ACBD3: variants seen among roughly 807,000 people sequenced by gnomAD.
The protein encoded by ACBD3 is Golgi resident protein GCP60.
In ACBD3, 30 loss-of-function variants were observed where a neutral mutation model predicts 66.9. That is an observed-to-expected ratio of 0.45 (90% CI 0.34 to 0.61). ACBD3 has a LOEUF of 0.61. ACBD3 is among the 20% of genes least tolerant of loss of function. The pLI is 0.02. For synonymous variants in ACBD3, 278 were observed against 259.8 expected (o/e 1.07, Z -0.68); for missense variants, 544 against 664.5 (o/e 0.82, Z 1.99).
At chr1:226,162,841 G>T (rs1372697462) in intron 3 of ACBD3, among the ~76,000 whole-genome samples, 22 of 148,984 alleles carry the variant, frequency 1.5e-4, no homozygotes, top group Admixed American at 1.4e-3. Context: ...CTGTCACCCA[G>T]ACTGGAGTGC....
chr1:226,162,732 T>A (rs1328509124), intron 3 of ACBD3, among the ~76,000 whole-genome samples: 1 of 151,616 alleles, frequency 6.6e-6, no homozygotes, highest in East Asian at 1.9e-4. Context: ...CCCCTCTAAC[T>A]CCTATAAGTG....
rs547414474 is a variant in ACBD3, at chr1:226,146,799, T to C, written c.1398A>G (p.Lys466=). Residue 466 remains lysine (K), a synonymous_variant, in exon 8 of 8, where the codon AAA becomes AAG. Transcript: ENST00000366812. ...EEEENIGCEE[K]AKKNANKPLL... is the part of the protein sequence containing the mutation. ...AAGGCTTGTTGGCATTCTTTTTGGC[T>C]TTCTCTTCACAACCGATGTTTTCTG... is the stretch of plus-strand genomic sequence containing the variant. 2 of 1,614,148 alleles carry C rather than the reference T, an allele frequency of 1.2e-6. No homozygotes were observed. The highest frequency in any genetic ancestry group is 1.6e-4 in the Middle Eastern group (1 of 6,062).
At chr1:226,178,917 G>A (rs1656113421) in intron 1 of ACBD3, among the ~76,000 whole-genome samples, 1 of 152,088 alleles carries the variant, frequency 6.6e-6, no homozygotes, top group Non-Finnish European at 1.5e-5. Context: ...TTATTCTGAG[G>A]TGGTATCTCT....
chr1:226,178,574 C>CAAAAAAAAAAAAAAAA (rs57231361), intron 1 of ACBD3, among the ~76,000 whole-genome samples: 4 of 83,636 alleles, frequency 4.8e-5, no homozygotes, highest in African/African-American at 9.4e-5. Flanking sequence ...GACTCCGTCT[C>CAAAAAAAAAAAAAAAA]AAAAAAAAAA....
chr1:226,166,157 A>T (rs1297948677), intron 1 of ACBD3, among the ~76,000 whole-genome samples, 157 bp from the exon 2 acceptor site: 1 of 152,206 alleles, frequency 6.6e-6, no homozygotes, highest in Non-Finnish European at 1.5e-5. Context: ...ACTACTTTTA[A>T]AAAATTTTTT....
rs1170130229 is a variant in ACBD3, at chr1:226,149,529, C to CTTTTTTTTTTTTTTTTTTTT, written c.1376-2728_1376-2709dup. ...GGTGTCAGCCACTGCGCCCAGCCAT[C>CTTTTTTTTTTTTTTTTTTTT]TTTTTTTTTTTTTTTTTTTTTTTTT... On this transcript the variant is annotated intron_variant, in intron 7 of 7. Coordinates refer to ENST00000366812, the MANE Select transcript of ACBD3 (RefSeq NM_022735.4). Among the ~76,000 whole-genome samples, 5 of 29,596 alleles carry CTTTTTTTTTTTTTTTTTTTT rather than the reference C, an allele frequency of 1.7e-4. 1 individual carries two copies. The highest frequency in any genetic ancestry group is 1.6e-4 in the African/African-American group (1 of 6,322). The allele number at this position is 29,596 out of a possible 152,430, so 19.4% of individuals were successfully genotyped here.
intron 3 of ACBD3, among the ~76,000 whole-genome samples, chr1:226,162,885 C>T (rs984493295): frequency 3.3e-5 from 5 of 151,998 alleles, no homozygotes; most frequent in African/African-American, 1.2e-4. Flanking sequence ...CAACCTCCGC[C>T]TCCCAGGCTC....
In ACBD3 at chr1:226,183,987, C is replaced by T. The variant is rs575640875; in HGVS notation, c.286+2403G>A. Among the ~76,000 whole-genome samples, 9 of 150,872 alleles carry T rather than the reference C, an allele frequency of 6.0e-5. No homozygotes were observed. In the East Asian group the frequency reaches 1.6e-3, roughly 26 times the overall value. On this transcript the variant is annotated intron_variant, in intron 1 of 7. Coordinates refer to ENST00000366812, the MANE Select transcript of ACBD3 (RefSeq NM_022735.4). Reference sequence around the variant, plus strand: ...CAGGAGGATCACGAGGTCAGGAAATCGAGACCATCCTGGCTAACACGGTGA... The same window carrying T: ...CAGGAGGATCACGAGGTCAGGAAATTGAGACCATCCTGGCTAACACGGTGA...
chr1:226,177,349 C>T (rs1387331117), intron 1 of ACBD3, among the ~76,000 whole-genome samples: 1 of 145,316 alleles, frequency 6.9e-6, no homozygotes, highest in Non-Finnish European at 1.5e-5. Context: ...AGGTGGCCAC[C>T]ACCACTCTTG....
Position 226,146,225 on chromosome 1 carries a change from G to T in ACBD3, c.*385C>A. ...GTTAACTTATGGATTTCAAATTAGA[G>T]GACACTGTAACTACGGGCTCTCATA... On this transcript the variant is annotated 3_prime_UTR_variant, in exon 8 of 8. Transcript: ENST00000366812. 1 of 166,310 alleles carries T rather than the reference G, an allele frequency of 6.0e-6. No individual in the cohort carries two copies. The highest frequency in any genetic ancestry group is 1.3e-5 in the Non-Finnish European group (1 of 76,604). 10.3% of individuals were successfully genotyped at this position (166,310 alleles called of 1,614,324 possible). A position where few individuals can be genotyped will look rare whatever the true frequency, so the allele number is the denominator to read the frequency against.
chr1:226,150,878 G>A lies in ACBD3; in HGVS notation c.1375+1457C>T, dbSNP rs538525407. ...GAAGGATTTTAAATCTGCTTCTGGG[G>A]TAAAAGTCAATCTGCAAGATGTACT... On this transcript the variant is annotated intron_variant, in intron 7 of 7. Transcript: ENST00000366812. Among the ~76,000 whole-genome samples, 4 of 152,272 alleles carry A rather than the reference G, an allele frequency of 2.6e-5. No individual in the cohort carries two copies. In the South Asian group the frequency reaches 8.3e-4, roughly 32 times the overall value.
chr1:226,156,260 T>TG (rs1191218875), intron 5 of ACBD3, among the ~76,000 whole-genome samples: 1 of 152,220 alleles, frequency 6.6e-6, no homozygotes, highest in Non-Finnish European at 1.5e-5. Context: ...TTTAAAGAAA[T>TG]GGGTTGTATA....
chr1:226,157,980 A>C (rs1659706870), intron 5 of ACBD3, among the ~76,000 whole-genome samples: 1 of 152,274 alleles, frequency 6.6e-6, no homozygotes, highest in Non-Finnish European at 1.5e-5. Flanking sequence ...CTATCAAAGA[A>C]GCAGGAAAAT....
chr1:226,165,868 T>C lies in ACBD3; in HGVS notation c.419A>G (p.Asn140Ser), dbSNP rs762954434. 6.2e-7 allele frequency: 1 copy of C among 1,608,622 alleles called. No individual in the cohort carries two copies. Among genetic ancestry groups the C allele is most frequent in the Non-Finnish European group, 8.5e-7 (1 of 1,178,682 alleles). Reference sequence around the variant, plus strand: ...AGAAAAACACTGTTACCTCCTGTCATTCCCCAACACATCAAAGAATCCAAC... The same window carrying C: ...AGAAAAACACTGTTACCTCCTGTCACTCCCCAACACATCAAAGAATCCAAC... ...PEVGFFDVLG[N>S]DRRREWAALG... The change falls in exon 2 of 8, where the codon AAT (asparagine) becomes AGT (serine). Residue 140 changes from asparagine (N) to serine (S), a missense_variant. This residue lies in a region of ACBD3 where 24 missense variants were observed against 56.2 expected (regional missense o/e 0.43). Transcript: ENST00000366812.
intron 2 of ACBD3, among the ~76,000 whole-genome samples, chr1:226,165,233 C>T (rs758456720): frequency 1.3e-5 from 2 of 151,568 alleles, no homozygotes; most frequent in Admixed American, 6.6e-5. Context: ...TGCACTGGTG[C>T]GATCTTGGCT....
At chr1:226,183,474 A>G (rs1164053831) in intron 1 of ACBD3, among the ~76,000 whole-genome samples, 1 of 152,056 alleles carries the variant, frequency 6.6e-6, no homozygotes, top group Non-Finnish European at 1.5e-5. Flanking sequence ...AAGCTACCAC[A>G]CCCGGCCGAA....
chr1:226,158,123 G>T (rs1249673042), intron 5 of ACBD3, among the ~76,000 whole-genome samples: 1 of 152,190 alleles, frequency 6.6e-6, no homozygotes, highest in African/African-American at 2.4e-5. Flanking sequence ...AACTTGCAGT[G>T]CTTTTTAACT....
At chr1:226,169,184 G>A (rs1659935272) in intron 1 of ACBD3, among the ~76,000 whole-genome samples, 1 of 151,824 alleles carries the variant, frequency 6.6e-6, no homozygotes, top group South Asian at 2.1e-4. Flanking sequence ...TTAACAAATG[G>A]CGATAATTTG....
chr1:226,179,085 T>C (rs1315332542), intron 1 of ACBD3, among the ~76,000 whole-genome samples: 1 of 152,242 alleles, frequency 6.6e-6, no homozygotes, highest in Non-Finnish European at 1.5e-5. Context: ...ATACTTCAAA[T>C]TTAAATTTAA....
Sources: allele counts gnomAD v4.1 joint callset (sites outside exome capture counted in the v4.1 genomes callset), GRCh38; gene constraint gnomAD v4.1.1; regional missense constraint gnomAD v4.1.1; transcripts MANE v1.5; gene names NCBI Gene and HGNC (gene_info 2026-07-23, HGNC 2026-07-21).